DPCD: variants seen among roughly 807,000 people sequenced by gnomAD.
DPCD encodes the protein protein DPCD.
Under a neutral mutation model 26.4 loss-of-function variants are expected in DPCD, and 20 were observed. The observed-to-expected ratio is 0.76, with a 90% CI of 0.53 to 1.10. The LOEUF is 1.10. Among genes scored for constraint, DPCD ranks in the 50% least tolerant of loss-of-function variants. DPCD has a pLI of 0.00. For synonymous variants in DPCD, 97 were observed against 94.2 expected, an observed-to-expected ratio of 1.03 and a Z score of -0.17; for missense variants, 202 against 253.9, an observed-to-expected ratio of 0.80 and a Z score of 1.39.
intron 2 of DPCD, among the ~76,000 whole-genome samples, 197 bp downstream of exon 2, chr10:101,594,935 TAA>T (rs1327487897): frequency 6.6e-6 from 1 of 152,058 alleles, no homozygotes; most frequent in Admixed American, 6.5e-5. Context: ...TTTTGACCAG[TAA>T]AATTCATCCC....
chr10:101,592,997 A>T (rs2063622761), intron 1 of DPCD, among the ~76,000 whole-genome samples: 1 of 138,782 alleles, frequency 7.2e-6, no homozygotes, highest in Non-Finnish European at 1.7e-5. Context: ...CTGGCGACAG[A>T]GCGAGACTCT....
At chr10:101,590,623 C>A (rs1267636789) in intron 1 of DPCD, among the ~76,000 whole-genome samples, 3 of 146,632 alleles carry the variant, frequency 2.0e-5, no homozygotes, top group African/African-American at 7.6e-5. Flanking sequence ...CTTGCTCTGT[C>A]ACCCAGGCTG....
intron 2 of DPCD, among the ~76,000 whole-genome samples, chr10:101,597,630 G>T (rs1383464746): frequency 6.6e-6 from 1 of 152,190 alleles, no homozygotes; most frequent in Admixed American, 6.5e-5. Context: ...TCTTCACCGG[G>T]GTGGAAAGTC....
At chr10:101,593,601 T>C (rs564184065) in intron 1 of DPCD, among the ~76,000 whole-genome samples, 106 of 152,204 alleles carry the variant, frequency 7.0e-4, no homozygotes, top group African/African-American at 2.2e-3. Flanking sequence ...TCTTCTTCTT[T>C]TTTTTTAGAC....
intron 4 of DPCD, among the ~76,000 whole-genome samples, chr10:101,602,801 C>G (rs1012581724): frequency 6.6e-6 from 1 of 152,244 alleles, no homozygotes; most frequent in African/African-American, 2.4e-5. Context: ...CTTTGTGAAG[C>G]TGGCTGCTGC....
At chr10:101,604,388 A>G (rs1272682305) in intron 4 of DPCD, among the ~76,000 whole-genome samples, 1 of 152,190 alleles carries the variant, frequency 6.6e-6, no homozygotes, top group East Asian at 1.9e-4. Flanking sequence ...TGGAGGTTCC[A>G]TAACCTGCCC....
intron 1 of DPCD, among the ~76,000 whole-genome samples, chr10:101,591,046 C>T (rs1237290478): frequency 6.6e-6 from 1 of 152,118 alleles, no homozygotes; most frequent in Non-Finnish European, 1.5e-5. Context: ...ATAAAGTAAA[C>T]CTCTAAATGT....
intron 1 of DPCD, among the ~76,000 whole-genome samples, chr10:101,589,922 C>T (rs2063579049): frequency 6.6e-6 from 1 of 152,002 alleles, no homozygotes; most frequent in African/African-American, 2.4e-5. Context: ...CATCATGGCA[C>T]ATGCCTGTAG....
At chr10:101,590,151 C>T (rs1339313540) in intron 1 of DPCD, among the ~76,000 whole-genome samples, 2 of 151,836 alleles carry the variant, frequency 1.3e-5, no homozygotes, top group Non-Finnish European at 2.9e-5. Flanking sequence ...ATATAAGGAC[C>T]CTATGTGAAG....
At chr10:101,593,782 G>A (rs2063630355) in intron 1 of DPCD, among the ~76,000 whole-genome samples, 1 of 152,030 alleles carries the variant, frequency 6.6e-6, no homozygotes, top group South Asian at 2.1e-4. Context: ...GTAGAGATGG[G>A]GTTTCACCAT....
intron 1 of DPCD, among the ~76,000 whole-genome samples, chr10:101,591,100 G>C (rs1014994286): frequency 2.0e-5 from 3 of 152,200 alleles, no homozygotes; most frequent in African/African-American, 7.2e-5. Flanking sequence ...CAAGGGCTGT[G>C]CCTGGAAGAG....
At chr10:101,595,411 C>T (rs1458118972) in intron 2 of DPCD, among the ~76,000 whole-genome samples, 1 of 152,158 alleles carries the variant, frequency 6.6e-6, no homozygotes, top group East Asian at 1.9e-4. Context: ...GTGGCTGGCT[C>T]TTTGACCCAG....
At chr10:101,607,100 C>T (rs1367355911) in intron 4 of DPCD, among the ~76,000 whole-genome samples, 5 of 152,168 alleles carry the variant, frequency 3.3e-5, no homozygotes, top group Admixed American at 6.5e-5. Context: ...ATTCATTTTC[C>T]GGTCCCACTG....
intron 4 of DPCD, among the ~76,000 whole-genome samples, chr10:101,601,812 C>G (rs2063700759): frequency 6.6e-6 from 1 of 152,074 alleles, no homozygotes; most frequent in Non-Finnish European, 1.5e-5. Context: ...CAGTTTAAAG[C>G]AGACTGGGCA....
intron 4 of DPCD, among the ~76,000 whole-genome samples, chr10:101,608,359 C>A (rs1003397363): frequency 6.6e-6 from 1 of 152,208 alleles, no homozygotes; most frequent in African/African-American, 2.4e-5. Context: ...GTAGTTGAGG[C>A]CTTCAGTGGA....
chr10:101,597,602 A>T (rs2063663133), intron 2 of DPCD, among the ~76,000 whole-genome samples: 1 of 152,148 alleles, frequency 6.6e-6, no homozygotes, highest in Non-Finnish European at 1.5e-5. Context: ...CACCTCCTTT[A>T]TATATTCCCC....
intron 4 of DPCD, among the ~76,000 whole-genome samples, chr10:101,607,420 C>T (rs957886780): frequency 1.3e-5 from 2 of 152,128 alleles, no homozygotes; most frequent in South Asian, 2.1e-4. Context: ...ACTTGCAATG[C>T]CATTAGGATC....
rs779173242 is a variant in DPCD, at chr10:101,600,739, G to A, written c.147G>A (p.Val49=). 1.2e-5 allele frequency: 20 copies of A among 1,612,540 alleles called. No homozygotes were observed. Among genetic ancestry groups the A allele is most frequent in the Non-Finnish European group, 1.7e-5 (20 of 1,179,458 alleles). ...EYDEKTSELL[V]RKWRVKSALG... is the part of the protein sequence containing the mutation. ...CCCGATGCTTGCTTCTCTCCCCAGT[G>A]AGAAAGTGGCGTGTGAAAAGTGCCC... Residue 49 remains valine (V), a splice_region_variant and synonymous_variant, in exon 3 of 6, where the codon GTG becomes GTA. Coordinates refer to ENST00000370151, the MANE Select transcript of DPCD (RefSeq NM_015448.3). This position sits in a 1 kb window ranked among gnomAD's most constrained non-coding sequence, Gnocchi z 4.7.
chr10:101,601,091 G>A, intron 3 of DPCD, 112 bp from the exon 4 acceptor site: 1 of 1,527,506 alleles, frequency 6.5e-7, no homozygotes, highest in South Asian at 1.2e-5. Flanking sequence ...GCGTCAGAGG[G>A]GAGCAGTGGA....
Sources: allele counts gnomAD v4.1 joint callset (sites outside exome capture counted in the v4.1 genomes callset), GRCh38; gene constraint gnomAD v4.1.1; non-coding constraint Gnocchi (gnomAD v3.1); transcripts MANE v1.5; gene names NCBI Gene and HGNC (gene_info 2026-07-23, HGNC 2026-07-21).